The following SPMIP2 variants were observed in gnomAD, a reference collection of about 807,000 sequenced individuals.
SPMIP2 encodes sperm microtubule inner protein 2.
chr4:159,012,424 A>C, the SPMIP2 span, among the ~76,000 whole-genome samples: 1 of 152,230 alleles, frequency 6.6e-6, no homozygotes, highest in African/African-American at 2.4e-5. Flanking sequence ...ATGTGGGCTG[A>C]GATGATACCT....
chr4:158,965,324 C>T, the SPMIP2 span, among the ~76,000 whole-genome samples: 8 of 151,716 alleles, frequency 5.3e-5, no homozygotes, highest in Non-Finnish European at 1.0e-4. Context: ...GATGACCAGC[C>T]ATTCTGATTC....
At chr4:158,954,122 G>T in the SPMIP2 span, among the ~76,000 whole-genome samples, 2 of 152,154 alleles carry the variant, frequency 1.3e-5, no homozygotes, top group African/African-American at 4.8e-5. Flanking sequence ...GCCAGGGGCA[G>T]AATGATATGG....
the SPMIP2 span, among the ~76,000 whole-genome samples, chr4:158,908,578 T>C: frequency 6.6e-6 from 1 of 152,208 alleles, no homozygotes; most frequent in Non-Finnish European, 1.5e-5. Flanking sequence ...AATGGTAACA[T>C]AGTTTGGTAG....
At chr4:159,017,196 CAA>C in the SPMIP2 span, among the ~76,000 whole-genome samples, 4 of 152,124 alleles carry the variant, frequency 2.6e-5, no homozygotes, top group African/African-American at 9.7e-5. Flanking sequence ...AAACAGTGTA[CAA>C]TGATAGGTTC....
chr4:158,947,662 G>C, the SPMIP2 span, among the ~76,000 whole-genome samples: 2 of 152,052 alleles, frequency 1.3e-5, no homozygotes, highest in African/African-American at 4.8e-5. Flanking sequence ...TCAGTATAAA[G>C]ATTCAGTAAA....
the SPMIP2 span, among the ~76,000 whole-genome samples, chr4:158,903,359 C>T: frequency 6.6e-6 from 1 of 152,156 alleles, no homozygotes; most frequent in African/African-American, 2.4e-5. Flanking sequence ...GTTGGAAATA[C>T]AGAAATCACC....
chr4:158,956,120 C>T, the SPMIP2 span, among the ~76,000 whole-genome samples: 1 of 152,248 alleles, frequency 6.6e-6, no homozygotes, highest in African/African-American at 2.4e-5. Context: ...AGGAATTGAC[C>T]TCTAAGGCTC....
At chr4:158,956,571 TAAATA>T in the SPMIP2 span, among the ~76,000 whole-genome samples, 1 of 139,726 alleles carries the variant, frequency 7.2e-6, no homozygotes, top group Non-Finnish European at 1.5e-5. Flanking sequence ...TCAAAAAAGA[TAAATA>T]AATAAAATAT....
the SPMIP2 span, among the ~76,000 whole-genome samples, chr4:158,922,690 T>C: frequency 6.6e-6 from 1 of 152,206 alleles, no homozygotes; most frequent in African/African-American, 2.4e-5. Flanking sequence ...CACCACCACT[T>C]AATAATTTCA....
At chr4:158,918,166 T>C in the SPMIP2 span, among the ~76,000 whole-genome samples, 14 of 152,190 alleles carry the variant, frequency 9.2e-5, no homozygotes, top group African/African-American at 2.9e-4. Context: ...TGACACGTAA[T>C]TGACACTCAA....
chr4:158,981,729 C>T, the SPMIP2 span, among the ~76,000 whole-genome samples: 9 of 137,650 alleles, frequency 6.5e-5, no homozygotes, highest in African/African-American at 2.4e-4. Flanking sequence ...AGGGGAACAA[C>T]TGGTATCAGC....
chr4:158,963,803 A>G, the SPMIP2 span, among the ~76,000 whole-genome samples: 1 of 152,158 alleles, frequency 6.6e-6, no homozygotes, highest in East Asian at 1.9e-4. Context: ...TCTCCTTGGC[A>G]AAGTGGATTT....
At chr4:159,014,706 C>T in the SPMIP2 span, among the ~76,000 whole-genome samples, 2 of 151,886 alleles carry the variant, frequency 1.3e-5, no homozygotes, top group Non-Finnish European at 2.9e-5. Flanking sequence ...ATGGGTATTT[C>T]GTCATTTATG....
At chr4:158,895,218 T>C in the SPMIP2 span, among the ~76,000 whole-genome samples, 2 of 152,180 alleles carry the variant, frequency 1.3e-5, no homozygotes, top group Admixed American at 6.5e-5. Flanking sequence ...AAAAAAGTTG[T>C]GGGGGAGGTT....
the SPMIP2 span, among the ~76,000 whole-genome samples, chr4:158,955,849 C>T: frequency 3.0e-4 from 45 of 152,334 alleles, no homozygotes; most frequent in East Asian, 4.8e-3. Flanking sequence ...AATATGCCTT[C>T]GAATGGAAGA....
the SPMIP2 span, among the ~76,000 whole-genome samples, chr4:159,034,446 AC>A: frequency 6.6e-6 from 1 of 152,276 alleles, no homozygotes; most frequent in Non-Finnish European, 1.5e-5. Context: ...TTTCTCTTGC[AC>A]AAACCATAAA....
At chr4:159,026,865 ATATATT>A in the SPMIP2 span, among the ~76,000 whole-genome samples, 3 of 150,002 alleles carry the variant, frequency 2.0e-5, no homozygotes, top group African/African-American at 7.3e-5. Context: ...ATTTATATAC[ATATATT>A]TATATTTATA....
At chr4:158,931,024 AT>A in the SPMIP2 span, among the ~76,000 whole-genome samples, 1 of 151,660 alleles carries the variant, frequency 6.6e-6, no homozygotes, top group African/African-American at 2.4e-5. Flanking sequence ...TGTCTCTCTC[AT>A]TTACTTCTGG....
At chr4:159,016,833 G>A in the SPMIP2 span, among the ~76,000 whole-genome samples, 5 of 152,186 alleles carry the variant, frequency 3.3e-5, no homozygotes, top group South Asian at 2.1e-4. Flanking sequence ...ATTCCCTCCC[G>A]TTGCTTCCCA....
Sources: allele counts gnomAD v4.1 joint callset (sites outside exome capture counted in the v4.1 genomes callset), GRCh38; gene constraint gnomAD v4.1.1; transcripts MANE v1.5; gene names NCBI Gene and HGNC (gene_info 2026-07-23, HGNC 2026-07-21).